METTL15: variants seen among roughly 807,000 people sequenced by gnomAD.
METTL15 encodes methyltransferase 15, mitochondrial 12S rRNA N4-cytidine, also known as 12S rRNA N(4)-cytidine methyltransferase METTL15.
Under a neutral mutation model 38.3 loss-of-function variants are expected in METTL15, and 34 were observed. That is an observed-to-expected ratio of 0.89 (90% CI 0.68 to 1.18). The LOEUF is 1.18. Ranked by LOEUF, METTL15 falls within the 50% of genes most tolerant of loss-of-function variation. The pLI, the probability that METTL15 is intolerant of heterozygous loss-of-function variation, is 0.00. For synonymous variants in METTL15, 162 were observed against 170.9 expected (o/e 0.95, Z 0.41); for missense variants, 438 against 498.4 (o/e 0.88, Z 1.15).
At chr11:28,381,054 G>A (rs970680058) in intron 5 of METTL15, among the ~76,000 whole-genome samples, 1 of 152,164 alleles carries the variant, frequency 6.6e-6, no homozygotes, top group African/African-American at 2.4e-5. Flanking sequence ...CCAGTGGCAT[G>A]TTCATAGCTC....
At chr11:28,270,010 C>T (rs1045089518) in intron 4 of METTL15, among the ~76,000 whole-genome samples, 1 of 152,146 alleles carries the variant, frequency 6.6e-6, no homozygotes, top group African/African-American at 2.4e-5. Context: ...TAACTTCAGT[C>T]AGTTTAGGAG....
chr11:28,168,092 ACTTT>A (rs1046799561), intron 3 of METTL15, among the ~76,000 whole-genome samples: 1 of 151,830 alleles, frequency 6.6e-6, no homozygotes, highest in Admixed American at 6.6e-5. Context: ...TCAGTTTTTT[ACTTT>A]CTTTTTCTTT....
chr11:28,504,566 A>G (rs1851611812), intron 6 of METTL15, among the ~76,000 whole-genome samples: 1 of 152,224 alleles, frequency 6.6e-6, no homozygotes, highest in African/African-American at 2.4e-5. Context: ...TATGGGTCAA[A>G]CAAGGCCAAT....
intron 4 of METTL15, among the ~76,000 whole-genome samples, chr11:28,354,192 A>T (rs1007998870): frequency 4.6e-5 from 7 of 152,214 alleles, no homozygotes; most frequent in African/African-American, 1.7e-4. Flanking sequence ...TTAAGGACCC[A>T]CAAAAGCACT....
At chr11:28,143,821 A>G (rs753165545) in intron 3 of METTL15, among the ~76,000 whole-genome samples, 1 of 152,214 alleles carries the variant, frequency 6.6e-6, no homozygotes, top group Non-Finnish European at 1.5e-5. Flanking sequence ...TAGTTCCATC[A>G]TTTAATGACT....
chr11:28,115,893 C>T (rs1402436333), intron 3 of METTL15, among the ~76,000 whole-genome samples: 1 of 149,918 alleles, frequency 6.7e-6, no homozygotes, highest in East Asian at 2.0e-4. Flanking sequence ...TATATATACA[C>T]ATACATATAT....
chr11:28,236,580 T>C (rs1441467068), intron 4 of METTL15, among the ~76,000 whole-genome samples: 1 of 152,222 alleles, frequency 6.6e-6, no homozygotes, highest in Non-Finnish European at 1.5e-5. Flanking sequence ...GTCTCATAAT[T>C]GGAGCATTTA....
intron 4 of METTL15, among the ~76,000 whole-genome samples, chr11:28,223,066 T>G (rs1247838799): frequency 6.6e-6 from 1 of 152,156 alleles, no homozygotes; most frequent in Admixed American, 6.5e-5. Flanking sequence ...TGGGTGGACA[T>G]CTTTTAATAT....
intron 6 of METTL15, among the ~76,000 whole-genome samples, chr11:28,433,758 A>G (rs1850957361): frequency 6.6e-6 from 1 of 152,040 alleles, no homozygotes; most frequent in Admixed American, 6.6e-5. Context: ...GGTTGTGATG[A>G]CCTTTGATGC....
At chr11:28,237,689 A>C (rs1854067989) in intron 4 of METTL15, among the ~76,000 whole-genome samples, 1 of 152,056 alleles carries the variant, frequency 6.6e-6, no homozygotes, top group African/African-American at 2.4e-5. Context: ...TGTTTTTTAG[A>C]GTTTCCACTT....
At chr11:28,512,748 T>G (rs916036093) in intron 6 of METTL15, among the ~76,000 whole-genome samples, 4 of 152,140 alleles carry the variant, frequency 2.6e-5, no homozygotes, top group Non-Finnish European at 4.4e-5. Flanking sequence ...GGGAGCCAGC[T>G]CCAGCCTTGG....
chr11:28,174,915 CTTT>C (rs934731889), intron 3 of METTL15, among the ~76,000 whole-genome samples: 1 of 147,484 alleles, frequency 6.8e-6, no homozygotes, highest in Non-Finnish European at 1.5e-5. Context: ...CTTTGGAATT[CTTT>C]TTTTTTAAAT....
rs1293392878 is a variant in METTL15, at chr11:28,331,763, G to C, written c.*922G>C. The C allele has an allele frequency of 6.6e-6, 1 of 152,196 alleles. No homozygotes were observed. The highest frequency in any genetic ancestry group is 1.5e-5 in the Non-Finnish European group (1 of 68,012). The allele number at this position is 152,196 out of a possible 1,614,324, so 9.4% of individuals were successfully genotyped here. A position where few individuals can be genotyped will look rare whatever the true frequency, so the allele number is the denominator to read the frequency against. ...TTGGTAGAAGATTCTTTAACAAATTGAGGAGATTGATTCATAATTCACATG... is the reference window on the plus strand; with the variant it reads ...TTGGTAGAAGATTCTTTAACAAATTCAGGAGATTGATTCATAATTCACATG... On this transcript the variant is annotated 3_prime_UTR_variant, in exon 7 of 7. Coordinates refer to ENST00000407364, the MANE Select transcript of METTL15 (RefSeq NM_001113528.2).
chr11:28,368,154 A>AAAAAAAG (rs1564908408), intron 5 of METTL15, among the ~76,000 whole-genome samples: 1 of 138,606 alleles, frequency 7.2e-6, no homozygotes, highest in Non-Finnish European at 1.6e-5. Flanking sequence ...AAAAAAAACA[A>AAAAAAAG]AAAAAAAAAC....
chr11:28,236,245 C>A (rs1198352089), intron 4 of METTL15, among the ~76,000 whole-genome samples: 3 of 152,080 alleles, frequency 2.0e-5, no homozygotes, highest in African/African-American at 7.2e-5. Flanking sequence ...CAATGTTCAT[C>A]AAGGATATTG....
downstream of METTL15, among the ~76,000 whole-genome samples, chr11:28,335,748 G>A (rs1849895300): frequency 6.6e-6 from 1 of 152,102 alleles, no homozygotes; most frequent in South Asian, 2.1e-4. Flanking sequence ...CTCTTGCCTT[G>A]TGATTACACA....
chr11:28,323,283 T>A (rs575216077), intron 6 of METTL15, among the ~76,000 whole-genome samples: 1 of 152,120 alleles, frequency 6.6e-6, no homozygotes, highest in Non-Finnish European at 1.5e-5. Flanking sequence ...CTGTTCTTGG[T>A]GCAAAGGTTT....
chr11:28,238,363 C>T (rs980629404), intron 4 of METTL15, among the ~76,000 whole-genome samples: 15 of 152,190 alleles, frequency 9.9e-5, no homozygotes, highest in African/African-American at 3.4e-4. Context: ...TCTCAGACTG[C>T]CGTGCTAGCA....
intron 4 of METTL15, among the ~76,000 whole-genome samples, chr11:28,264,710 T>G (rs1220045027): frequency 6.6e-6 from 1 of 152,128 alleles, no homozygotes; most frequent in Non-Finnish European, 1.5e-5. Context: ...TCACAGCCCT[T>G]TCTAATAGTA....
Sources: allele counts gnomAD v4.1 joint callset (sites outside exome capture counted in the v4.1 genomes callset), GRCh38; gene constraint gnomAD v4.1.1; transcripts MANE v1.5; gene names NCBI Gene and HGNC (gene_info 2026-07-23, HGNC 2026-07-21).